The following TDRP variants were observed in gnomAD, a reference collection of about 807,000 sequenced individuals.
TDRP encodes the protein testis development-related protein.
In TDRP, 12 loss-of-function variants were observed where a neutral mutation model predicts 10.5. The observed-to-expected ratio is 1.15, with a 90% CI of 0.73 to 1.86. The LOEUF is 1.86. TDRP is among the 40% of genes most tolerant of loss of function. The pLI, the probability that TDRP is intolerant of heterozygous loss-of-function variation, is 0.00. For synonymous variants in TDRP, 139 were observed against 95.4 expected, an observed-to-expected ratio of 1.46 and a Z score of -2.67; for missense variants, 353 against 229.2, an observed-to-expected ratio of 1.54 and a Z score of -3.49.
intron 1 of TDRP, among the ~76,000 whole-genome samples, chr8:507,890 T>A (rs1434568533): frequency 1.3e-5 from 2 of 152,150 alleles, no homozygotes; most frequent in East Asian, 3.8e-4. Context: ...TAACAAACTT[T>A]CACCTGTACT....
intron 1 of TDRP, among the ~76,000 whole-genome samples, chr8:503,161 G>A (rs112444251): frequency 1.5e-4 from 19 of 129,696 alleles, no homozygotes; most frequent in East Asian, 2.5e-4. Context: ...CCAGAGCCAC[G>A]CATCAGAACC....
At chr8:534,478 C>G (rs1802293783) in intron 1 of TDRP, among the ~76,000 whole-genome samples, 1 of 152,202 alleles carries the variant, frequency 6.6e-6, no homozygotes, top group African/African-American at 2.4e-5. Context: ...AGCCCTGTAA[C>G]TCATGCCTGA....
intron 1 of TDRP, among the ~76,000 whole-genome samples, chr8:519,790 G>A (rs1801851380): frequency 6.6e-6 from 1 of 152,320 alleles, no homozygotes; most frequent in Non-Finnish European, 1.5e-5. Flanking sequence ...AGTGGGGCGA[G>A]GCATTGTCAA....
At chr8:513,076 T>A (rs1268014474) in intron 1 of TDRP, among the ~76,000 whole-genome samples, 1 of 151,090 alleles carries the variant, frequency 6.6e-6, no homozygotes, top group Admixed American at 6.6e-5. Flanking sequence ...CTACCAACTA[T>A]TTAAAGAATT....
chr8:496,477 C>G (rs531818826), intron 1 of TDRP, among the ~76,000 whole-genome samples: 6 of 152,318 alleles, frequency 3.9e-5, no homozygotes, highest in Non-Finnish European at 8.8e-5. Flanking sequence ...CACAGTGAAG[C>G]TTCGTGACCT....
intron 1 of TDRP, among the ~76,000 whole-genome samples, chr8:519,456 A>G (rs1329494721): frequency 2.0e-5 from 3 of 152,146 alleles, no homozygotes; most frequent in Non-Finnish European, 4.4e-5. Flanking sequence ...CAACTCTACC[A>G]TCTTAACTAC....
chr8:522,215 T>C (rs988934080), intron 1 of TDRP, among the ~76,000 whole-genome samples: 5 of 152,232 alleles, frequency 3.3e-5, no homozygotes, highest in Non-Finnish European at 7.3e-5. Flanking sequence ...GTCACACATT[T>C]GAGCACTCTG....
At chr8:512,189 G>A (rs1171104447) in intron 1 of TDRP, among the ~76,000 whole-genome samples, 4 of 151,976 alleles carry the variant, frequency 2.6e-5, no homozygotes, top group African/African-American at 9.7e-5. Flanking sequence ...AAATTGGAAG[G>A]CCACAGCAGG....
At chr8:520,871 T>C (rs917992093) in intron 1 of TDRP, among the ~76,000 whole-genome samples, 5 of 152,182 alleles carry the variant, frequency 3.3e-5, no homozygotes, top group Non-Finnish European at 7.3e-5. Flanking sequence ...GAGAAATATT[T>C]ATCCCATTCC....
At chr8:522,903 C>T (rs186542121) in intron 1 of TDRP, among the ~76,000 whole-genome samples, 9 of 152,270 alleles carry the variant, frequency 5.9e-5, no homozygotes, top group Middle Eastern at 3.4e-3. Context: ...TTTCAGCTTA[C>T]GTGTATCCTT....
chr8:540,722 A>C (rs573161673), intron 1 of TDRP, among the ~76,000 whole-genome samples: 83 of 151,876 alleles, frequency 5.5e-4, no homozygotes, highest in African/African-American at 1.7e-3. Flanking sequence ...TTTTAGTAAT[A>C]GTTAAGTGTC....
At chr8:499,885 G>C (rs1801239475) in intron 1 of TDRP, among the ~76,000 whole-genome samples, 1 of 152,216 alleles carries the variant, frequency 6.6e-6, no homozygotes, top group Non-Finnish European at 1.5e-5. Context: ...AAAATCTTAG[G>C]TGGCGACAGC....
At position 528,691 on chromosome 8, in the gene TDRP, C is replaced by T. The variant is rs550562433; in HGVS notation, c.108+15959G>A. 5.3e-5 allele frequency among the ~76,000 whole-genome samples: 8 copies of T among 152,092 alleles called. No homozygotes were observed. In the South Asian group the frequency reaches 8.3e-4, roughly 16 times the overall value. On this transcript the variant is annotated intron_variant, in intron 1 of 2. Transcript: ENST00000324079. ...AAAGTGATGGATACCTCATTTACTC[C>T]GATGTGATTATTATGTATTATATGC...
intron 1 of TDRP, among the ~76,000 whole-genome samples, chr8:543,269 C>T (rs142880647): frequency 3.3e-5 from 5 of 152,068 alleles, no homozygotes; most frequent in East Asian, 1.9e-4. Context: ...GCCGAGATTG[C>T]GCCACTGCAC....
rs537525861 is a variant in TDRP, at chr8:520,642, G to A, written c.108+24008C>T. On this transcript the variant is annotated intron_variant, in intron 1 of 2. Coordinates refer to ENST00000324079, the MANE Select transcript of TDRP (RefSeq NM_001384899.1). ...TTTTTTGATTGTAGCCATACTAATG[G>A]TTGTGAGGTGACATCTCATCATGGT... Among the ~76,000 whole-genome samples, 5 of 152,316 alleles carry A rather than the reference G, an allele frequency of 3.3e-5. No individual in the cohort carries two copies. The East Asian group carries it at 9.6e-4, about 29-fold the overall frequency.
At chr8:532,073 G>C (rs1199558298) in intron 1 of TDRP, among the ~76,000 whole-genome samples, 1 of 152,204 alleles carries the variant, frequency 6.6e-6, no homozygotes, top group East Asian at 1.9e-4. Flanking sequence ...GTGTTCAACA[G>C]TGTCAGAAAT....
chr8:498,201 C>G (rs1040532604), intron 1 of TDRP, among the ~76,000 whole-genome samples: 3 of 152,180 alleles, frequency 2.0e-5, no homozygotes, highest in Non-Finnish European at 4.4e-5. Flanking sequence ...CAACTCGAAC[C>G]ATGCACCTGA....
chr8:494,199 G>A (rs1354400159), intron 2 of TDRP, among the ~76,000 whole-genome samples: 1 of 151,556 alleles, frequency 6.6e-6, no homozygotes, highest in Non-Finnish European at 1.5e-5. Context: ...CTGACCTTGT[G>A]ATCTGCCTGC....
chr8:534,761 T>C (rs1024162501), intron 1 of TDRP, among the ~76,000 whole-genome samples: 1 of 152,192 alleles, frequency 6.6e-6, no homozygotes, highest in Admixed American at 6.5e-5. Context: ...GATTTGCGGA[T>C]TACAAATAAA....
Sources: gnomAD v4.1 joint callset for allele counts (sites outside exome capture counted in the v4.1 genomes callset) on GRCh38, gnomAD v4.1.1 for gene constraint, MANE v1.5 for transcripts, NCBI Gene and HGNC (gene_info 2026-07-23, HGNC 2026-07-21) for gene names.